The following LRRIQ3 variants were observed in gnomAD, a reference collection of about 807,000 sequenced individuals.
The protein encoded by LRRIQ3 is leucine rich repeats and IQ motif containing 3.
Under a neutral mutation model 59.3 loss-of-function variants are expected in LRRIQ3, and 75 were observed. The ratio of observed to expected loss-of-function variants is 1.26; its 90% confidence interval spans 1.05 to 1.53. The LOEUF is 1.53. LRRIQ3 is among the 40% of genes most tolerant of loss of function. The probability of loss-of-function intolerance (pLI) is 0.00; values close to 1 mark genes in which losing one functional copy is unlikely to be tolerated. For synonymous variants in LRRIQ3, 250 were observed against 231.3 expected (o/e 1.08, Z -0.73); for missense variants, 831 against 710.0 (o/e 1.17, Z -1.94).
At chr1:74,166,106 A>AT (rs1280991699) in intron 3 of LRRIQ3, among the ~76,000 whole-genome samples, 3 of 151,332 alleles carry the variant, frequency 2.0e-5, no homozygotes, top group Non-Finnish European at 4.4e-5. Flanking sequence ...TTTTATTTTT[A>AT]TTTTTTGGAA....
chr1:74,140,465 A>G (rs545538978), intron 4 of LRRIQ3, among the ~76,000 whole-genome samples: 8 of 152,070 alleles, frequency 5.3e-5, no homozygotes, highest in African/African-American at 1.9e-4. Context: ...TACATCTACA[A>G]TCACAGTGAG....
chr1:74,172,816 T>C (rs1286806496), intron 3 of LRRIQ3, among the ~76,000 whole-genome samples: 1 of 152,244 alleles, frequency 6.6e-6, no homozygotes, highest in Non-Finnish European at 1.5e-5. Flanking sequence ...CATTATTTGA[T>C]GACCTCCTTT....
chr1:74,093,418 C>T (rs527879448), intron 5 of LRRIQ3, among the ~76,000 whole-genome samples: 1 of 152,164 alleles, frequency 6.6e-6, no homozygotes, highest in Non-Finnish European at 1.5e-5. Context: ...CTGTGTTTCC[C>T]TTTTCCAAAT....
At chr1:74,118,618 G>T (rs1984228) in intron 4 of LRRIQ3, among the ~76,000 whole-genome samples, 128,959 of 151,892 alleles carry the variant, frequency 0.85, 55,624 homozygotes, top group East Asian at 0.97. Flanking sequence ...TTTCAAGAAC[G>T]GTTATTGCTG....
Position 74,041,469 on chromosome 1 carries a change from G to A in LRRIQ3, c.1462C>T (p.Gln488Ter), listed in dbSNP as rs1213068941. The change falls in exon 7 of 8, where the codon CAA becomes TAA. Residue 488 changes from glutamine to a stop codon, truncating the protein, a stop_gained. Coordinates refer to ENST00000354431, the MANE Select transcript of LRRIQ3 (RefSeq NM_001105659.2). LOFTEE classifies it high-confidence loss of function. Reference protein sequence around the residue: ...TIQNSLRQVWQNRFNYLEKAR... With the variant: ...TIQNSLRQVW ...TTTTCAAGGTAGTTGAATCTGTTTT[G>A]CCAAACTTGTCGTAAACTGTTCTGA... The A allele has an allele frequency of 1.2e-6, 2 of 1,613,256 alleles. No homozygotes were observed. Among genetic ancestry groups the A allele is most frequent in the Non-Finnish European group, 1.7e-6 (2 of 1,179,826 alleles).
intron 5 of LRRIQ3, among the ~76,000 whole-genome samples, chr1:74,099,477 A>G: frequency 6.6e-6 from 1 of 152,290 alleles, no homozygotes; most frequent in East Asian, 1.9e-4. Context: ...TACCAGAGGT[A>G]CAAGAAGGAG....
At chr1:74,174,548 ATT>A (rs34076332) in intron 3 of LRRIQ3, among the ~76,000 whole-genome samples, 44,855 of 134,724 alleles carry the variant, frequency 0.33, 7,322 homozygotes, top group Middle Eastern at 0.47. Flanking sequence ...ATGCCTGGCT[ATT>A]TTTTTTTTTT....
chr1:74,144,298 A>C (rs938505896), intron 4 of LRRIQ3: 2 of 190,012 alleles, frequency 1.1e-5, no homozygotes, highest in Non-Finnish European at 2.3e-5. Context: ...TCCACATATC[A>C]AATACTCCCC....
chr1:74,163,795 A>G (rs2100684774), intron 3 of LRRIQ3, among the ~76,000 whole-genome samples: 1 of 151,718 alleles, frequency 6.6e-6, no homozygotes, highest in East Asian at 1.9e-4. Context: ...TTGCTGAATC[A>G]TATGATTATT....
intron 4 of LRRIQ3, among the ~76,000 whole-genome samples, chr1:74,125,530 A>G (rs1265205739): frequency 6.6e-6 from 1 of 151,794 alleles, no homozygotes; most frequent in Non-Finnish European, 1.5e-5. Flanking sequence ...TGTTCATTCT[A>G]TATCTAGTTT....
intron 3 of LRRIQ3, among the ~76,000 whole-genome samples, chr1:74,164,850 G>A (rs1276271182): frequency 6.6e-6 from 1 of 151,518 alleles, no homozygotes; most frequent in African/African-American, 2.4e-5. Context: ...AACTTAGACT[G>A]AGGAGTTTTG....
intron 4 of LRRIQ3, among the ~76,000 whole-genome samples, chr1:74,128,361 C>G (rs1294952463): frequency 6.6e-6 from 1 of 152,024 alleles, no homozygotes; most frequent in Admixed American, 6.6e-5. Context: ...ACTTCTACTT[C>G]ATTAATTCTT....
At chr1:74,168,795 A>T (rs1438656447) in intron 3 of LRRIQ3, among the ~76,000 whole-genome samples, 1 of 152,116 alleles carries the variant, frequency 6.6e-6, no homozygotes, top group Non-Finnish European at 1.5e-5. Context: ...AAGCCTAAAC[A>T]TAATTATGTA....
At chr1:74,075,871 C>T (rs1459876174) in intron 5 of LRRIQ3, among the ~76,000 whole-genome samples, 1 of 152,136 alleles carries the variant, frequency 6.6e-6, no homozygotes, top group African/African-American at 2.4e-5. Flanking sequence ...GCTACTAGAG[C>T]TCCAAACACC....
chr1:74,041,945 A>G lies in LRRIQ3; in HGVS notation c.998-12T>C. The G allele has an allele frequency of 1.3e-6, 2 of 1,573,184 alleles. No homozygotes were observed. Among genetic ancestry groups the G allele is most frequent in the Non-Finnish European group, 1.7e-6 (2 of 1,163,184 alleles). On this transcript the variant is annotated splice_polypyrimidine_tract_variant and intron_variant, in intron 6 of 7. Coordinates refer to ENST00000354431, the MANE Select transcript of LRRIQ3 (RefSeq NM_001105659.2). ...TTCAGACTCCTGACCTACATCAAAC[A>G]GAAGCAAATATTATACATTATACAA...
At chr1:74,120,080 A>G (rs1646830985) in intron 4 of LRRIQ3, among the ~76,000 whole-genome samples, 1 of 151,816 alleles carries the variant, frequency 6.6e-6, no homozygotes, top group African/African-American at 2.4e-5. Flanking sequence ...TATTTGATAA[A>G]AATTATTATT....
chr1:74,093,368 T>C (rs981089584), intron 5 of LRRIQ3, among the ~76,000 whole-genome samples: 6 of 152,132 alleles, frequency 3.9e-5, no homozygotes, highest in Non-Finnish European at 5.9e-5. Context: ...TTACTATTCC[T>C]ATCAGACTGA....
chr1:74,104,521 T>A (rs1186313627), intron 5 of LRRIQ3, among the ~76,000 whole-genome samples: 1 of 151,894 alleles, frequency 6.6e-6, no homozygotes. Flanking sequence ...CAAAGCCACA[T>A]GAAAAAGGCA....
At chr1:74,184,115 A>T (rs1162932342) in intron 1 of LRRIQ3, among the ~76,000 whole-genome samples, 1 of 152,060 alleles carries the variant, frequency 6.6e-6, no homozygotes, top group Non-Finnish European at 1.5e-5. Flanking sequence ...GAGAGTGATA[A>T]TCTTTGTTAA....
Sources: allele counts gnomAD v4.1 joint callset (sites outside exome capture counted in the v4.1 genomes callset), GRCh38; gene constraint gnomAD v4.1.1; transcripts MANE v1.5; gene names NCBI Gene and HGNC (gene_info 2026-07-23, HGNC 2026-07-21).